Variants in MAP10 observed in about 807,000 individuals in gnomAD.
The protein encoded by MAP10 is microtubule associated protein 10.
MAP10 carries 10 observed loss-of-function variants against 6.3 expected under a neutral mutation model. That is an observed-to-expected ratio of 1.58 (90% confidence interval 0.98 to 2.69). The LOEUF is 2.69. Ranked by LOEUF, MAP10 falls within the 30% of genes most tolerant of loss-of-function variation. The probability of loss-of-function intolerance (pLI) is 0.00; values close to 1 mark genes in which losing one functional copy is unlikely to be tolerated. For missense variants in MAP10, 1,189 were observed against 1,086.5 expected (o/e 1.09, Z -1.33); for synonymous variants, 459 against 429.3 (o/e 1.07, Z -0.86).
rs370957927 is a variant in MAP10 at position 232,807,895 on chromosome 1, A to G, written c.2446A>G (p.Ser816Gly). The change falls in exon 1 of 1, where the codon AGT becomes GGT. Residue 816 changes from serine (S) to glycine (G), a missense_variant. Physicochemically the swap from Ser to Gly is moderately conservative, Grantham distance 56. Transcript: ENST00000418460. The part of the protein sequence containing the change: ...EQKENQIDQN[S>G]MHNSEITKRA... ...AAAAGAAAACCAGATAGATCAAAAT[A>G]GTATGCACAATTCTGAAATTACAAA... is the stretch of plus-strand genomic sequence containing the variant. 6.2e-7 allele frequency: 1 copy of G among 1,613,726 alleles called. No homozygotes were observed. Among genetic ancestry groups the G allele is most frequent in the Non-Finnish European group, 8.5e-7 (1 of 1,179,734 alleles).
Position 232,808,212 on chromosome 1 carries a change from T to C in MAP10, c.*45T>C. Reference sequence around the variant, plus strand: ...ACTTTCAAGGACCTATGTGTACTGTTAGTGAAAAAAATTTTAAAGCTGTTT... The same window carrying C: ...ACTTTCAAGGACCTATGTGTACTGTCAGTGAAAAAAATTTTAAAGCTGTTT... On this transcript the variant is annotated 3_prime_UTR_variant, in exon 1 of 1. Transcript: ENST00000418460. 3 of 1,297,438 alleles carry C rather than the reference T, an allele frequency of 2.3e-6. No individual in the cohort carries two copies. The highest frequency in any genetic ancestry group is 3.0e-6 in the Non-Finnish European group (3 of 986,864). 80.4% of individuals were successfully genotyped at this position (1,297,438 alleles called of 1,614,324 possible). A position where few individuals can be genotyped will look rare whatever the true frequency, so the allele number is the denominator to read the frequency against.
Position 232,807,969 on chromosome 1 carries a change from A to C in MAP10, c.2520A>C (p.Leu840Phe). 6.2e-7 allele frequency: 1 copy of C among 1,612,918 alleles called. No individual in the cohort carries two copies. The highest frequency in any genetic ancestry group is 2.2e-5 in the East Asian group (1 of 44,870). ...AAACAAGAAGTAGTTGGAAATCTTTAGAAAAAAGCCAGTCACCACAAACAT... is the reference window on the plus strand; with the variant it reads ...AAACAAGAAGTAGTTGGAAATCTTTCGAAAAAAGCCAGTCACCACAAACAT... ...SVKTRSSWKS[L>F]EKSQSPQTSQ... The change falls in exon 1 of 1, where the codon TTA (leucine) becomes TTC (phenylalanine). Residue 840 changes from leucine to phenylalanine, a missense_variant. Transcript: ENST00000418460.
rs1415686864 is a variant in MAP10 at position 232,805,722 on chromosome 1, C to T, written c.273C>T (p.Arg91=). The T allele has an allele frequency of 1.9e-6, 3 of 1,604,244 alleles. No individual in the cohort carries two copies. The highest frequency in any genetic ancestry group is 1.7e-5 in the Admixed American group (1 of 59,900). Reference sequence around the variant, plus strand: ...GGCCCGGTGTCATCCGCTTCGGTCGCGGCAAGTCCTGCCTCTTCCGCCTGC... The same window carrying T: ...GGCCCGGTGTCATCCGCTTCGGTCGTGGCAAGTCCTGCCTCTTCCGCCTGC... ...EPWPGVIRFG[R]GKSCLFRLQP... The change falls in exon 1 of 1, where the codon CGC becomes CGT. Residue 91 remains arginine, a synonymous_variant. Coordinates refer to ENST00000418460, the MANE Select transcript of MAP10 (RefSeq NM_019090.3).
chr1:232,806,379 C>G lies in MAP10; in HGVS notation c.930C>G (p.Thr310=). 1 of 1,613,744 alleles carries G rather than the reference C, an allele frequency of 6.2e-7. No individual in the cohort carries two copies. The highest frequency in any genetic ancestry group is 1.1e-5 in the South Asian group (1 of 91,054). The change falls in exon 1 of 1, where the codon ACC becomes ACG. Residue 310 remains threonine, a synonymous_variant. Transcript: ENST00000418460. ...CPPPLYYTNL[T]QEKPPPAQAK... ...CTCCTTTGTATTACACTAACTTGAC[C>G]CAAGAAAAACCGCCCCCTGCACAGG...
Position 232,808,280 on chromosome 1 carries a change from T to A in MAP10, c.*113T>A. On this transcript the variant is annotated 3_prime_UTR_variant, in exon 1 of 1. Coordinates refer to ENST00000418460, the MANE Select transcript of MAP10 (RefSeq NM_019090.3). ...GAATAATTTTTTAAAGAAATATGAATTAACGTTATTCCTTTGATGTTTAAA... is the reference window on the plus strand; with the variant it reads ...GAATAATTTTTTAAAGAAATATGAAATAACGTTATTCCTTTGATGTTTAAA... 1.7e-6 allele frequency: 1 copy of A among 593,000 alleles called. No homozygotes were observed. 36.7% of individuals were successfully genotyped at this position (593,000 alleles called of 1,614,324 possible). A position where few individuals can be genotyped will look rare whatever the true frequency, so the allele number is the denominator to read the frequency against.
chr1:232,807,638 C>T lies in MAP10; in HGVS notation c.2189C>T (p.Ser730Leu). The stretch of plus-strand genomic sequence containing the variant: ...AGTTTCAAAGCTCATGATAGCAGTT[C>T]AAGGACAGAAAATCCAAAACATAGT... ...SRSFKAHDSS[S>L]RTENPKHSQY... is the part of the protein sequence containing the mutation. The change falls in exon 1 of 1, where the codon TCA becomes TTA. Residue 730 changes from serine (S) to leucine (L), a missense_variant. Transcript: ENST00000418460. The T allele has an allele frequency of 6.2e-7, 1 of 1,610,336 alleles. No individual in the cohort carries two copies. Among genetic ancestry groups the T allele is most frequent in the Non-Finnish European group, 8.5e-7 (1 of 1,178,054 alleles).
chr1:232,805,831 AC>A, the MAP10 span: 1 of 1,588,618 alleles, frequency 6.3e-7, no homozygotes, highest in Non-Finnish European at 8.6e-7. Flanking sequence ...CCCGACGCCC[AC>A]CCCACAGCTC....
At position 232,806,536 on chromosome 1, in the gene MAP10, C is replaced by A. The variant is rs951681363; in HGVS notation, c.1087C>A (p.Pro363Thr). The part of the protein sequence containing the change: ...KHPSSAAHEH[P>T]PMLVNPPHIQ... ...TCCAAGTTCTGCAGCACACGAACAT[C>A]CTCCAATGCTTGTAAATCCTCCACA... Residue 363 changes from proline to threonine, a missense_variant, in exon 1 of 1, where the codon CCT becomes ACT. Coordinates refer to ENST00000418460, the MANE Select transcript of MAP10 (RefSeq NM_019090.3). The A allele has an allele frequency of 4.3e-6, 7 of 1,613,810 alleles. No individual in the cohort carries two copies. In the Admixed American group the frequency reaches 5.0e-5, roughly 12 times the overall value.
chr1:232,806,467 A>T, the MAP10 span: 1 of 1,613,980 alleles, frequency 6.2e-7, no homozygotes, highest in Non-Finnish European at 8.5e-7. Flanking sequence ...TTCTCCTGAA[A>T]AAAAGCGTGT....
rs1435745597 is a variant in MAP10 at position 232,805,438 on chromosome 1, G to A, written c.-12G>A. The A allele has an allele frequency of 6.2e-7, 1 of 1,611,852 alleles. No individual in the cohort carries two copies. The highest frequency in any genetic ancestry group is 8.5e-7 in the Non-Finnish European group (1 of 1,179,132). On this transcript the variant is annotated 5_prime_UTR_variant, in exon 1 of 1. Transcript: ENST00000418460. ...TGCGGAGCCCGCGGCGGCGTTTCCT[G>A]GGGCAACAGCAATGGCGGCCTCGCT...
Position 232,807,153 on chromosome 1 carries a change from T to C in MAP10, c.1704T>C (p.Ser568=), listed in dbSNP as rs771277347. The change falls in exon 1 of 1, where the codon TCT becomes TCC. Residue 568 remains serine, a synonymous_variant. Coordinates refer to ENST00000418460, the MANE Select transcript of MAP10 (RefSeq NM_019090.3). The stretch of plus-strand genomic sequence containing the variant: ...ATAAGTATTTAGATTCAGATGCATC[T>C]TTCACTGAAAATAGTGATACCTCAA... ...PEDKYLDSDA[S]FTENSDTSRQ... The C allele has an allele frequency of 4.7e-5, 75 of 1,612,654 alleles. No individual in the cohort carries two copies. The highest frequency in any genetic ancestry group is 6.1e-5 in the Non-Finnish European group (72 of 1,179,192).
rs1354951265 is a variant in MAP10 at position 232,807,680 on chromosome 1, C to G, written c.2231C>G (p.Ser744Cys). The G allele has an allele frequency of 5.0e-6, 8 of 1,613,042 alleles. No homozygotes were observed. Among genetic ancestry groups the G allele is most frequent in the Non-Finnish European group, 6.8e-6 (8 of 1,179,430 alleles). The change falls in exon 1 of 1, where the codon TCT becomes TGT. Residue 744 changes from serine to cysteine, a missense_variant. Ser to Cys is a moderately radical substitution (Grantham distance 112). Transcript: ENST00000418460. ...NPKHSQYTSK[S>C]SDTGVSKKKN... ...AAACATAGTCAATATACAAGCAAGT[C>G]TAGTGACACAGGAGTGTCCAAAAAG...
At position 232,805,701 on chromosome 1, in the gene MAP10, C is replaced by G; in HGVS notation, c.252C>G (p.Pro84=). ...GPGAPAAEPW[P]GVIRFGRGKS... Reference sequence around the variant, plus strand: ...GCGCTCCCGCCGCCGAACCGTGGCCCGGTGTCATCCGCTTCGGTCGCGGCA... The same window carrying G: ...GCGCTCCCGCCGCCGAACCGTGGCCGGGTGTCATCCGCTTCGGTCGCGGCA... Residue 84 remains proline (P), a synonymous_variant, in exon 1 of 1, where the codon CCC becomes CCG. Coordinates refer to ENST00000418460, the MANE Select transcript of MAP10 (RefSeq NM_019090.3). 6 of 1,604,226 alleles carry G rather than the reference C, an allele frequency of 3.7e-6. No individual in the cohort carries two copies. The highest frequency in any genetic ancestry group is 4.2e-6 in the Non-Finnish European group (5 of 1,179,184).
At chr1:232,806,139 T>TG in the MAP10 span, 1 of 1,613,864 alleles carries the variant, frequency 6.2e-7, no homozygotes, top group African/African-American at 1.3e-5. Flanking sequence ...CAAAAGAGGC[T>TG]GATAAGCCGC....
At position 232,806,645 on chromosome 1, in the gene MAP10, A is replaced by G. The variant is rs1382756139; in HGVS notation, c.1196A>G (p.Asn399Ser). ...INTIRQLPLL[N>S]ALLVELSLLY... ...ACAATAAGGCAGTTGCCTTTGTTAA[A>G]TGCTTTGTTAGTTGAGTTGTCCTTG... is the stretch of plus-strand genomic sequence containing the variant. Residue 399 changes from asparagine to serine, a missense_variant, in exon 1 of 1, where the codon AAT (asparagine) becomes AGT (serine). Asn to Ser is a conservative substitution (Grantham distance 46). Coordinates refer to ENST00000418460, the MANE Select transcript of MAP10 (RefSeq NM_019090.3). The G allele has an allele frequency of 2.5e-6, 4 of 1,613,990 alleles. No homozygotes were observed. The African/African-American group carries it at 5.3e-5, about 22-fold the overall frequency.
chr1:232,805,460 C>T lies in MAP10; in HGVS notation c.11C>T (p.Ser4Leu), dbSNP rs768882334. 6.2e-7 allele frequency: 1 copy of T among 1,605,172 alleles called. No individual in the cohort carries two copies. Among genetic ancestry groups the T allele is most frequent in the African/African-American group, 1.3e-5 (1 of 74,830 alleles). The change falls in exon 1 of 1, where the codon TCG becomes TTG. Residue 4 changes from serine (S) to leucine (L), a missense_variant. Physicochemically the swap from Ser to Leu is moderately radical, Grantham distance 145. Transcript: ENST00000418460. MAA[S>L]LSERLFSLEL... ...CCTGGGGCAACAGCAATGGCGGCCT[C>T]GCTGTCCGAGCGGCTCTTCTCGCTG...
Position 232,806,126 on chromosome 1 carries a change from G to A in MAP10, c.677G>A (p.Ser226Asn), listed in dbSNP as rs763147865. Residue 226 changes from serine to asparagine, a missense_variant, in exon 1 of 1, where the codon AGC becomes AAC. Transcript: ENST00000418460. The part of the protein sequence containing the change: ...QQLQQPASQP[S>N]PKEADKPLGE... ...CTGCAGCAGCCAGCCTCACAGCCAAGCCCAAAAGAGGCTGATAAGCCGCTG... is the reference window on the plus strand; with the variant it reads ...CTGCAGCAGCCAGCCTCACAGCCAAACCCAAAAGAGGCTGATAAGCCGCTG... 3.7e-6 allele frequency: 6 copies of A among 1,613,912 alleles called. No homozygotes were observed. In the African/African-American group the frequency reaches 6.7e-5, roughly 18 times the overall value.
rs1165440040 is a variant in MAP10 at position 232,808,433 on chromosome 1, A to T, written c.*266A>T. Reference sequence around the variant, plus strand: ...TTGTCTCTCTTAAAGTGTCTAGTCTACAGTATTGATCATTCTAAAGCTGAC... The same window carrying T: ...TTGTCTCTCTTAAAGTGTCTAGTCTTCAGTATTGATCATTCTAAAGCTGAC... On this transcript the variant is annotated 3_prime_UTR_variant, in exon 1 of 1. Coordinates refer to ENST00000418460, the MANE Select transcript of MAP10 (RefSeq NM_019090.3). The T allele has an allele frequency of 7.3e-6, 2 of 272,194 alleles. No homozygotes were observed. Among genetic ancestry groups the T allele is most frequent in the African/African-American group, 2.2e-5 (1 of 44,852 alleles). 16.9% of individuals were successfully genotyped at this position (272,194 alleles called of 1,614,324 possible). A position where few individuals can be genotyped will look rare whatever the true frequency, so the allele number is the denominator to read the frequency against.
At position 232,805,979 on chromosome 1, in the gene MAP10, T is replaced by A; in HGVS notation, c.530T>A (p.Leu177Gln). The change falls in exon 1 of 1, where the codon CTG (leucine) becomes CAG (glutamine). Residue 177 changes from leucine to glutamine, a missense_variant. Leu to Gln is a moderately radical substitution (Grantham distance 113, BLOSUM62 -2). Coordinates refer to ENST00000418460, the MANE Select transcript of MAP10 (RefSeq NM_019090.3). ...RVGERTGDIA[L>Q]AYRLTDLGSR... ...GGCGAGCGGACTGGGGACATTGCAC[T>A]GGCCTACCGCCTGACTGACCTGGGA... is the stretch of plus-strand genomic sequence containing the variant. 1 of 1,613,550 alleles carries A rather than the reference T, an allele frequency of 6.2e-7. No homozygotes were observed. The highest frequency in any genetic ancestry group is 8.5e-7 in the Non-Finnish European group (1 of 1,179,844).
Sources: gnomAD v4.1 joint callset for allele counts on GRCh38, gnomAD v4.1.1 for gene constraint, MANE v1.5 for transcripts, NCBI Gene and HGNC (gene_info 2026-07-23, HGNC 2026-07-21) for gene names.